The following TEAD4 variants were observed in gnomAD, a reference collection of about 807,000 sequenced individuals.
The protein encoded by TEAD4 is transcriptional enhancer factor TEF-3.
Under a neutral mutation model 52.4 loss-of-function variants are expected in TEAD4, and 36 were observed. That is an observed-to-expected ratio of 0.69 (90% CI 0.53 to 0.91). TEAD4 has a LOEUF of 0.91. Among genes scored for constraint, TEAD4 ranks in the 40% least tolerant of loss-of-function variants. The probability of loss-of-function intolerance (pLI) is 0.00; values close to 1 mark genes in which losing one functional copy is unlikely to be tolerated. For synonymous variants in TEAD4, 220 were observed against 231.0 expected (o/e 0.95, Z 0.43); for missense variants, 508 against 583.9 (o/e 0.87, Z 1.34).
intron 10 of TEAD4, among the ~76,000 whole-genome samples, chr12:3,032,263 C>T (rs1365201478): frequency 1.3e-5 from 2 of 152,154 alleles, no homozygotes; most frequent in African/African-American, 4.8e-5. Flanking sequence ...GTTGGGACAG[C>T]TGGTGCCAAA....
intron 2 of TEAD4, among the ~76,000 whole-genome samples, chr12:2,989,614 T>G (rs2098241463): frequency 6.6e-6 from 1 of 152,044 alleles, no homozygotes; most frequent in South Asian, 2.1e-4. Flanking sequence ...AATTTTTGTA[T>G]TTTTAGTAGA....
rs148377799 is a variant in TEAD4 at position 3,018,429 on chromosome 12, C to G, written c.484-116C>G. ...AGCATTCACTAGCTAGGCGAGGCCT[C>G]GGGCTCCAGCCTCTCCTCCCAGTGG... On this transcript the variant is annotated intron_variant, in intron 6 of 12. Transcript: ENST00000359864. The G allele has an allele frequency of 2.4e-6, 3 of 1,246,784 alleles. No individual in the cohort carries two copies. In the African/African-American group the frequency reaches 4.4e-5, roughly 18 times the overall value. The allele number at this position is 1,246,784 out of a possible 1,614,324, so 77.2% of individuals were successfully genotyped here.
At chr12:3,013,226 A>G (rs11831055) in intron 5 of TEAD4, among the ~76,000 whole-genome samples, 25,232 of 149,616 alleles carry the variant, frequency 0.17, 4,713 homozygotes, top group African/African-American at 0.47. Context: ...TGCTGAAATT[A>G]TAGGCATGAG....
At chr12:3,003,532 G>A (rs775576648) in intron 3 of TEAD4, among the ~76,000 whole-genome samples, 1 of 152,156 alleles carries the variant, frequency 6.6e-6, no homozygotes, top group African/African-American at 2.4e-5. Flanking sequence ...GTGAGGCTGA[G>A]TGTGGGGCTA....
chr12:3,016,804 G>A (rs146736584), intron 5 of TEAD4, among the ~76,000 whole-genome samples: 3 of 152,202 alleles, frequency 2.0e-5, no homozygotes, highest in Non-Finnish European at 2.9e-5. Flanking sequence ...TATTTGTTCC[G>A]GGCCTATTCA....
chr12:2,995,556 C>G (rs573710150), intron 3 of TEAD4, among the ~76,000 whole-genome samples: 107 of 152,318 alleles, frequency 7.0e-4, no homozygotes, highest in South Asian at 1.2e-3. Context: ...AAGGCCCCCC[C>G]CAACCCAGCA....
At chr12:3,015,980 A>G (rs1227771629) in intron 5 of TEAD4, among the ~76,000 whole-genome samples, 2 of 152,158 alleles carry the variant, frequency 1.3e-5, no homozygotes, top group Non-Finnish European at 2.9e-5. Flanking sequence ...GTTTGAGGCC[A>G]GCCTGGGCTA....
intron 2 of TEAD4, chr12:2,960,327 T>C: frequency 1.0e-6 from 1 of 985,460 alleles, no homozygotes; most frequent in African/African-American, 1.7e-5. Context: ...TGGGCCCTTT[T>C]CGAGCCTGGA....
At chr12:3,013,826 A>G (rs2098262318) in intron 5 of TEAD4, among the ~76,000 whole-genome samples, 1 of 152,128 alleles carries the variant, frequency 6.6e-6, no homozygotes, top group Non-Finnish European at 1.5e-5. Flanking sequence ...GTGGGCTGTG[A>G]TTGCACCTGT....
Position 3,017,519 on chromosome 12 carries a change from T to A in TEAD4, c.476T>A (p.Val159Asp), listed in dbSNP as rs367751748. Reference sequence around the variant, plus strand: ...GCCCGGGGCCCCGGCCGCCCAGCAGTCTCAGGGGTAAGTGGGCTGCCGAGA... The same window carrying A: ...GCCCGGGGCCCCGGCCGCCCAGCAGACTCAGGGGTAAGTGGGCTGCCGAGA... The change falls in exon 6 of 13, where the codon GTC becomes GAC. Residue 159 changes from valine to aspartate, a missense_variant. Coordinates refer to ENST00000359864, the MANE Select transcript of TEAD4 (RefSeq NM_003213.4). 5.6e-6 allele frequency: 9 copies of A among 1,612,932 alleles called. No individual in the cohort carries two copies. Among genetic ancestry groups the A allele is most frequent in the Non-Finnish European group, 7.6e-6 (9 of 1,179,716 alleles).
At chr12:2,999,612 C>T (rs538654139) in intron 3 of TEAD4, among the ~76,000 whole-genome samples, 156 of 152,336 alleles carry the variant, frequency 1.0e-3, no homozygotes, top group African/African-American at 3.3e-3. Flanking sequence ...GGCCGGCTCC[C>T]GAGCCCGGGG....
Position 2,994,418 on chromosome 12 carries a change from A to G in TEAD4, c.-29-320A>G, listed in dbSNP as rs1051108515. On this transcript the variant is annotated intron_variant, in intron 2 of 12. Coordinates refer to ENST00000359864, the MANE Select transcript of TEAD4 (RefSeq NM_003213.4). This position sits in a 1 kb window ranked among gnomAD's most constrained non-coding sequence, Gnocchi z 4.7. ...CCACCAACAGTACCCAGGATTTTGCATGCTTTTTGCCCAGGGTCGATTTAA... is the reference window on the plus strand; with the variant it reads ...CCACCAACAGTACCCAGGATTTTGCGTGCTTTTTGCCCAGGGTCGATTTAA... Among the ~76,000 whole-genome samples, 15 of 152,116 alleles carry G rather than the reference A, an allele frequency of 9.9e-5. No homozygotes were observed. The highest frequency in any genetic ancestry group is 3.4e-4 in the African/African-American group (14 of 41,414).
At chr12:3,018,969 A>C (rs1274786028) in intron 7 of TEAD4, 146 bp from the exon 8 acceptor site, 2 of 959,894 alleles carry the variant, frequency 2.1e-6, no homozygotes, top group Non-Finnish European at 3.2e-6. Context: ...GGGAGTCGGC[A>C]GGGGCGGGAG....
At chr12:3,008,471 AATCTG>A (rs546393740) in intron 3 of TEAD4, among the ~76,000 whole-genome samples, 1 of 152,274 alleles carries the variant, frequency 6.6e-6, no homozygotes, top group Non-Finnish European at 1.5e-5. Flanking sequence ...GGACACTGTT[AATCTG>A]GGGCAGATGG....
intron 2 of TEAD4, among the ~76,000 whole-genome samples, chr12:2,971,123 G>T (rs2098224636): frequency 1.3e-5 from 2 of 152,190 alleles, no homozygotes; most frequent in Non-Finnish European, 2.9e-5. Context: ...CGGAAGCCCT[G>T]GTTCCTGTCC....
intron 2 of TEAD4, among the ~76,000 whole-genome samples, chr12:2,989,875 T>C (rs1171948234): frequency 5.3e-5 from 8 of 152,264 alleles, no homozygotes; most frequent in Admixed American, 2.0e-4. Context: ...GAATTTATCC[T>C]GGTTAGGATT....
At chr12:3,018,653 A>C in intron 7 of TEAD4, 65 bp downstream of exon 7, 240 of 1,598,368 alleles carry the variant, frequency 1.5e-4, no homozygotes, top group Non-Finnish European at 1.9e-4. Context: ...CCATAAACTC[A>C]TGGCATTAAG....
chr12:2,989,722 G>C (rs1373717214), intron 2 of TEAD4, among the ~76,000 whole-genome samples: 1 of 152,224 alleles, frequency 6.6e-6, no homozygotes, highest in African/African-American at 2.4e-5. Context: ...TTACAGGCAT[G>C]ACCCACCACA....
chr12:2,985,334 G>A (rs1341650318), intron 2 of TEAD4, among the ~76,000 whole-genome samples: 1 of 151,452 alleles, frequency 6.6e-6, no homozygotes, highest in Admixed American at 6.6e-5. Flanking sequence ...GCAGTGAGCC[G>A]AGATTGCGCC....
Sources: gnomAD v4.1 joint callset for allele counts (sites outside exome capture counted in the v4.1 genomes callset) on GRCh38, gnomAD v4.1.1 for gene constraint, Gnocchi (gnomAD v3.1) non-coding constraint, MANE v1.5 for transcripts, NCBI Gene and HGNC (gene_info 2026-07-23, HGNC 2026-07-21) for gene names.